Variants in ASCC3 observed in about 807,000 individuals in gnomAD.
ASCC3 encodes the protein ASC-1 complex subunit P200.
ASCC3 carries 158 observed loss-of-function variants against 256.3 expected under a neutral mutation model. The ratio of observed to expected loss-of-function variants is 0.62; its 90% CI spans 0.54 to 0.70. ASCC3 has a LOEUF of 0.70. Among genes scored for constraint, ASCC3 ranks in the 30% least tolerant of loss-of-function variants. ASCC3 has a pLI of 0.00. For synonymous variants in ASCC3, 948 were observed against 883.4 expected (o/e 1.07, Z -1.30); for missense variants, 2,259 against 2,626.0 (o/e 0.86, Z 3.05).
At chr6:100,533,750 T>C (rs1012199185) in intron 37 of ASCC3, among the ~76,000 whole-genome samples, 2 of 152,240 alleles carry the variant, frequency 1.3e-5, no homozygotes, top group African/African-American at 4.8e-5. Context: ...GTGACCAAGA[T>C]ATAAACACAT....
intron 13 of ASCC3, among the ~76,000 whole-genome samples, chr6:100,690,378 G>A (rs1160469645): frequency 6.6e-6 from 1 of 152,056 alleles, no homozygotes; most frequent in Non-Finnish European, 1.5e-5. Flanking sequence ...AGAGCCAACT[G>A]TAATGTACTA....
At chr6:100,612,228 G>C (rs1354083433) in intron 30 of ASCC3, among the ~76,000 whole-genome samples, 1 of 151,990 alleles carries the variant, frequency 6.6e-6, no homozygotes, top group Non-Finnish European at 1.5e-5. Context: ...CTCTGTGCCT[G>C]AAATACATTC....
chr6:100,630,391 G>A (rs1386641326), intron 26 of ASCC3, among the ~76,000 whole-genome samples: 1 of 151,576 alleles, frequency 6.6e-6, no homozygotes, highest in Non-Finnish European at 1.5e-5. Flanking sequence ...CTATCCTATA[G>A]ACAGCTAGTT....
chr6:100,817,211 C>T (rs990067491), intron 4 of ASCC3, among the ~76,000 whole-genome samples: 6 of 151,606 alleles, frequency 4.0e-5, no homozygotes, highest in African/African-American at 1.2e-4. Flanking sequence ...CTTACAAATA[C>T]GTGTTAAATA....
intron 13 of ASCC3, among the ~76,000 whole-genome samples, chr6:100,701,273 G>A (rs988557148): frequency 2.6e-5 from 4 of 152,056 alleles, no homozygotes; most frequent in African/African-American, 7.2e-5. Flanking sequence ...TACTCATGGC[G>A]GTGGGTCTTT....
intron 10 of ASCC3, among the ~76,000 whole-genome samples, chr6:100,764,903 T>C (rs1781578414): frequency 6.6e-6 from 1 of 152,076 alleles, no homozygotes; most frequent in African/African-American, 2.4e-5. Context: ...TCTTTGCAGA[T>C]GTAATTAAGG....
At chr6:100,575,586 T>C (rs1017475608) in intron 36 of ASCC3, among the ~76,000 whole-genome samples, 1 of 152,086 alleles carries the variant, frequency 6.6e-6, no homozygotes, top group Non-Finnish European at 1.5e-5. Context: ...CATTTAGACA[T>C]GAAACTCATT....
intron 13 of ASCC3, among the ~76,000 whole-genome samples, chr6:100,684,522 TG>T: frequency 6.6e-6 from 1 of 152,200 alleles, no homozygotes; most frequent in Non-Finnish European, 1.5e-5. Flanking sequence ...CTGTCATAGC[TG>T]GTAAGTATTA....
chr6:100,860,583 C>A (rs1773175906), intron 3 of ASCC3, among the ~76,000 whole-genome samples: 1 of 151,866 alleles, frequency 6.6e-6, no homozygotes, highest in Non-Finnish European at 1.5e-5. Context: ...TACTGGATCC[C>A]TAGCAGCATA....
intron 10 of ASCC3, among the ~76,000 whole-genome samples, chr6:100,743,624 G>A (rs532461364): frequency 7.9e-5 from 12 of 152,148 alleles, no homozygotes; most frequent in African/African-American, 2.6e-4. Context: ...TTCTATATTT[G>A]TATAAATAGT....
chr6:100,691,365 T>C (rs1777840770), intron 13 of ASCC3, among the ~76,000 whole-genome samples: 1 of 152,006 alleles, frequency 6.6e-6, no homozygotes, highest in South Asian at 2.1e-4. Flanking sequence ...CTGTAAATTT[T>C]TTCTTTAATG....
intron 14 of ASCC3, among the ~76,000 whole-genome samples, chr6:100,672,927 A>G (rs1259015235): frequency 6.6e-6 from 1 of 152,108 alleles, no homozygotes; most frequent in Non-Finnish European, 1.5e-5. Flanking sequence ...CACCGAGTAA[A>G]TATTTGCTGA....
intron 13 of ASCC3, among the ~76,000 whole-genome samples, chr6:100,698,753 G>A (rs1204585221): frequency 1.3e-5 from 2 of 152,066 alleles, no homozygotes; most frequent in East Asian, 3.8e-4. Context: ...CCTTAAGAAG[G>A]TAGTCAAAGC....
intron 33 of ASCC3, 116 bp downstream of exon 33, chr6:100,605,452 A>G: frequency 2.7e-6 from 2 of 732,398 alleles, no homozygotes; most frequent in Non-Finnish European, 4.5e-6. Flanking sequence ...GTTTCACATT[A>G]TATTAAATTC....
intron 37 of ASCC3, among the ~76,000 whole-genome samples, chr6:100,535,508 C>CA (rs1265879552): frequency 3.4e-5 from 4 of 118,522 alleles, no homozygotes; most frequent in Non-Finnish European, 6.5e-5. Context: ...CTTGCTCTGT[C>CA]ACCCAGGCTA....
intron 30 of ASCC3, among the ~76,000 whole-genome samples, chr6:100,608,110 A>G (rs867970368): frequency 4.1e-5 from 5 of 122,046 alleles, no homozygotes; most frequent in Admixed American, 9.3e-5. Flanking sequence ...ATATATATGT[A>G]TATATATCTA....
intron 13 of ASCC3, among the ~76,000 whole-genome samples, chr6:100,705,337 T>G (rs1778528801): frequency 6.7e-6 from 1 of 150,066 alleles, no homozygotes; most frequent in Non-Finnish European, 1.5e-5. Flanking sequence ...AATAGTATGA[T>G]CAGAGAACAT....
intron 4 of ASCC3, among the ~76,000 whole-genome samples, chr6:100,828,746 T>C (rs888552307): frequency 2.6e-5 from 4 of 152,040 alleles, no homozygotes; most frequent in Non-Finnish European, 5.9e-5. Context: ...GTGGTGAGTG[T>C]TACAGCTCAT....
intron 3 of ASCC3, among the ~76,000 whole-genome samples, chr6:100,852,035 T>C (rs891128095): frequency 6.6e-6 from 1 of 152,276 alleles, no homozygotes. Context: ...GACTGGCTGT[T>C]AGCACGCTGC....
Sources: gnomAD v4.1 joint callset for allele counts (sites outside exome capture counted in the v4.1 genomes callset) on GRCh38, gnomAD v4.1.1 for gene constraint, MANE v1.5 for transcripts, NCBI Gene and HGNC (gene_info 2026-07-23, HGNC 2026-07-21) for gene names.